The following EPS8 variants were observed in gnomAD, a reference collection of about 807,000 sequenced individuals.
The protein encoded by EPS8 is epidermal growth factor receptor kinase substrate 8.
Under a neutral mutation model 103.8 loss-of-function variants are expected in EPS8, and 42 were observed. The observed-to-expected ratio is 0.40, with a 90% CI of 0.32 to 0.52. The LOEUF (loss-of-function observed/expected upper bound fraction) is 0.52, where lower values mean the gene tolerates loss of function less well. EPS8 is among the 20% of genes least tolerant of loss of function. The probability of loss-of-function intolerance (pLI) is 0.40; values close to 1 mark genes in which losing one functional copy is unlikely to be tolerated. For missense variants in EPS8, 969 were observed against 1,005.1 expected, an observed-to-expected ratio of 0.96 and a Z score of 0.49; for synonymous variants, 344 against 344.6, an observed-to-expected ratio of 1.00 and a Z score of 0.02.
intron 1 of EPS8, among the ~76,000 whole-genome samples, chr12:15,719,419 A>G (rs1946570137): frequency 6.6e-6 from 1 of 152,160 alleles, no homozygotes; most frequent in East Asian, 1.9e-4. Context: ...ACATCAAATG[A>G]TCCTTGAAGC....
rs1002910282 is a variant in EPS8 at position 15,721,772 on chromosome 12, A to T, written c.-21-38800T>A. Among the ~76,000 whole-genome samples the T allele has an allele frequency of 6.6e-6, 1 of 152,082 alleles. No individual in the cohort carries two copies. Among genetic ancestry groups the T allele is most frequent in the African/African-American group, 2.4e-5 (1 of 41,442 alleles). On this transcript the variant is annotated intron_variant, in intron 1 of 20. Coordinates refer to ENST00000281172, the MANE Select transcript of EPS8 (RefSeq NM_004447.6). This position sits in a 1 kb window ranked among gnomAD's most constrained non-coding sequence, Gnocchi z 4.4. ...GTGCCTACAGGATTTCTAGTGTTTC[A>T]TTCAGCACCAAATATCAGACTTTTT...
chr12:15,653,548 C>T (rs79640026), intron 13 of EPS8, among the ~76,000 whole-genome samples: 607 of 152,294 alleles, frequency 4.0e-3, no homozygotes, highest in Non-Finnish European at 7.0e-3. Context: ...TCTCTCTCTA[C>T]CTGGACAGGC....
intron 1 of EPS8, among the ~76,000 whole-genome samples, chr12:15,699,812 A>G (rs1946289317): frequency 6.6e-6 from 1 of 152,084 alleles, no homozygotes; most frequent in Non-Finnish European, 1.5e-5. Flanking sequence ...ACTACTTTAT[A>G]CTTCCCATCT....
chr12:15,773,631 G>A (rs1947177660), intron 1 of EPS8, among the ~76,000 whole-genome samples: 1 of 152,018 alleles, frequency 6.6e-6, no homozygotes, highest in Admixed American at 6.5e-5. Flanking sequence ...GTACTTATTA[G>A]AAAGAATAAT....
At chr12:15,750,147 C>T (rs1230062462) in intron 1 of EPS8, among the ~76,000 whole-genome samples, 1 of 152,164 alleles carries the variant, frequency 6.6e-6, no homozygotes, top group South Asian at 2.1e-4. Context: ...CACTCCAGTG[C>T]TCAGTGAGTG....
intron 13 of EPS8, among the ~76,000 whole-genome samples, chr12:15,651,384 T>A (rs1364368665): frequency 6.6e-6 from 1 of 152,126 alleles, no homozygotes; most frequent in East Asian, 1.9e-4. Context: ...ACATTTAAAG[T>A]AGTTTCAGAT....
In EPS8 at chr12:15,621,346, C is replaced by G; in HGVS notation, c.2440G>C (p.Glu814Gln). Residue 814 changes from glutamate to glutamine, a missense_variant, in exon 21 of 21, where the codon GAA becomes CAA. Coordinates refer to ENST00000281172, the MANE Select transcript of EPS8 (RefSeq NM_004447.6). ...ISAAASDSGV[E>Q]SFDEGSSH The stretch of plus-strand genomic sequence containing the variant: ...TGACTGCTTCCTTCATCAAAAGATT[C>G]CACTCCTGAATCACTAGCGGCAGCA... The G allele has an allele frequency of 6.3e-7, 1 of 1,592,766 alleles. No homozygotes were observed. Among genetic ancestry groups the G allele is most frequent in the Admixed American group, 1.8e-5 (1 of 55,688 alleles).
chr12:15,621,387 C>T lies in EPS8; in HGVS notation c.2399G>A (p.Arg800Gln), dbSNP rs780434400. Residue 800 changes from arginine to glutamine, a missense_variant, in exon 21 of 21, where the codon CGA becomes CAA. Coordinates refer to ENST00000281172, the MANE Select transcript of EPS8 (RefSeq NM_004447.6). ...SSELQEIMRR[R>Q]QEKISAAASD... Reference sequence around the variant, plus strand: ...AGCGGCAGCACTGATTTTTTCCTGTCGTCTTCTCATAATTTCTTGTAACTC... The same window carrying T: ...AGCGGCAGCACTGATTTTTTCCTGTTGTCTTCTCATAATTTCTTGTAACTC... The T allele has an allele frequency of 1.3e-5, 21 of 1,604,520 alleles. No individual in the cohort carries two copies. Among genetic ancestry groups the T allele is most frequent in the East Asian group, 2.3e-5 (1 of 44,090 alleles).
intron 1 of EPS8, among the ~76,000 whole-genome samples, chr12:15,742,633 G>A (rs1303937898): frequency 6.6e-6 from 1 of 152,098 alleles, no homozygotes; most frequent in Non-Finnish European, 1.5e-5. Context: ...ATGTAATCCA[G>A]CATTTAAACA....
At chr12:15,654,617 T>TTTGTTG (rs1027603472) in intron 12 of EPS8, among the ~76,000 whole-genome samples, 1 of 152,182 alleles carries the variant, frequency 6.6e-6, no homozygotes, top group Non-Finnish European at 1.5e-5. Flanking sequence ...CTACCCCTGT[T>TTTGTTG]TTGTTGTTGT....
intron 13 of EPS8, 29 bp downstream of exon 13, chr12:15,654,116 T>G: frequency 1.2e-6 from 2 of 1,601,850 alleles, no homozygotes; most frequent in Non-Finnish European, 1.7e-6. Flanking sequence ...AGAATGGTAC[T>G]TAAGGCATTA....
intron 1 of EPS8, among the ~76,000 whole-genome samples, chr12:15,783,150 C>A (rs892838531): frequency 6.6e-5 from 10 of 152,136 alleles, no homozygotes; most frequent in African/African-American, 2.2e-4. Flanking sequence ...TCCATTCCCC[C>A]ACCTTTTCAG....
At chr12:15,768,429 C>CAA (rs71042268) in intron 1 of EPS8, among the ~76,000 whole-genome samples, 614 of 24,732 alleles carry the variant, frequency 0.025, 97 homozygotes, top group East Asian at 0.11. Context: ...GACTCCATCT[C>CAA]AAAAAAAAAA....
chr12:15,724,735 G>C (rs868257965), intron 1 of EPS8, among the ~76,000 whole-genome samples: 3 of 152,092 alleles, frequency 2.0e-5, no homozygotes, highest in Non-Finnish European at 4.4e-5. Context: ...AGTTTTATAA[G>C]GGGTTTTTCC....
Position 15,701,140 on chromosome 12 carries a change from TTCTC to T in EPS8, c.-21-18172_-21-18169del, listed in dbSNP as rs1946306657. 6.6e-6 allele frequency among the ~76,000 whole-genome samples: 1 copy of T among 152,228 alleles called. No homozygotes were observed. The highest frequency in any genetic ancestry group is 1.5e-5 in the Non-Finnish European group (1 of 68,038). ...GTCACTTTTTTAAAAGGTAATTCTT[TTCTC>T]TCTCTGAATCAACTGTGTCACCAAT... On this transcript the variant is annotated intron_variant, in intron 1 of 20. Coordinates refer to ENST00000281172, the MANE Select transcript of EPS8 (RefSeq NM_004447.6). This position sits in a 1 kb window ranked among gnomAD's most constrained non-coding sequence, Gnocchi z 5.1.
rs915224172 is a variant in EPS8, at chr12:15,728,056, G to A, written c.-21-45084C>T. ...AAGCCCCTGCTACTTAGCACTGAAAGGGAATAATCAACAGATTAAAAAGCA... is the reference window on the plus strand; with the variant it reads ...AAGCCCCTGCTACTTAGCACTGAAAAGGAATAATCAACAGATTAAAAAGCA... On this transcript the variant is annotated intron_variant, in intron 1 of 20. Transcript: ENST00000281172. This position sits in a 1 kb window ranked among gnomAD's most constrained non-coding sequence, Gnocchi z 4.5. 2 of 152,110 alleles carry A rather than the reference G, an allele frequency of 1.3e-5. No individual in the cohort carries two copies. The highest frequency in any genetic ancestry group is 2.9e-5 in the Non-Finnish European group (2 of 68,010). The allele number at this position is 152,110 out of a possible 1,614,324, so 9.4% of individuals were successfully genotyped here.
At chr12:15,765,593 A>G (rs908863743) in intron 1 of EPS8, among the ~76,000 whole-genome samples, 2 of 152,094 alleles carry the variant, frequency 1.3e-5, no homozygotes, top group African/African-American at 4.8e-5. Context: ...AAAATGAGAT[A>G]CTGAAATTAT....
chr12:15,685,848 C>T (rs192365610), intron 1 of EPS8, among the ~76,000 whole-genome samples: 1 of 152,108 alleles, frequency 6.6e-6, no homozygotes, highest in Non-Finnish European at 1.5e-5. Context: ...AAATAATGAT[C>T]AACTCTAACT....
At chr12:15,622,610 A>G (rs1310363180) in intron 20 of EPS8, among the ~76,000 whole-genome samples, 2 of 152,160 alleles carry the variant, frequency 1.3e-5, no homozygotes, top group Non-Finnish European at 2.9e-5. Context: ...AGCAATCTAG[A>G]AAACATGACT....
Sources: allele counts gnomAD v4.1 joint callset (sites outside exome capture counted in the v4.1 genomes callset), GRCh38; gene constraint gnomAD v4.1.1; non-coding constraint Gnocchi (gnomAD v3.1); transcripts MANE v1.5; gene names NCBI Gene and HGNC (gene_info 2026-07-23, HGNC 2026-07-21).